RPS5: variants seen among roughly 807,000 people sequenced by gnomAD.
RPS5 encodes the protein small ribosomal subunit protein uS7.
RPS5 carries 2 observed loss-of-function variants against 20.9 expected under a neutral mutation model. That is an observed-to-expected ratio of 0.10 (90% confidence interval 0.04 to 0.30). The LOEUF is 0.30. Among genes scored for constraint, RPS5 ranks in the 10% least tolerant of loss-of-function variants. RPS5 has a pLI of 1.00. For missense variants in RPS5, 122 were observed against 287.2 expected (o/e 0.42, Z 4.16); for synonymous variants, 112 against 105.8 (o/e 1.06, Z -0.36).
chr19:58,390,916 C>T (rs1170053325), intron 2 of RPS5, among the ~76,000 whole-genome samples: 1 of 152,066 alleles, frequency 6.6e-6, no homozygotes, highest in African/African-American at 2.4e-5. Flanking sequence ...TGTTCTTTTC[C>T]CATCATTCCT....
At chr19:58,389,986 C>T (rs1233997573) in intron 2 of RPS5, among the ~76,000 whole-genome samples, 1 of 152,094 alleles carries the variant, frequency 6.6e-6, no homozygotes, top group Non-Finnish European at 1.5e-5. Flanking sequence ...CCTCTGCCTC[C>T]TGGGTTCAAG....
Position 58,390,833 on chromosome 19 carries a change from C to T in RPS5, c.109-2143C>T, listed in dbSNP as rs537948495. ...CATAGTGAAAGCCCTGCGTGAATGC[C>T]CTTCACGAGACTGTGAGTTTTTTTT... On this transcript the variant is annotated intron_variant, in intron 2 of 5. Transcript: ENST00000196551. Among the ~76,000 whole-genome samples the T allele has an allele frequency of 2.6e-5, 4 of 152,142 alleles. No homozygotes were observed. In the South Asian group the frequency reaches 8.3e-4, roughly 32 times the overall value.
intron 2 of RPS5, among the ~76,000 whole-genome samples, chr19:58,392,352 G>A (rs940325477): frequency 5.3e-5 from 8 of 151,288 alleles, no homozygotes; most frequent in Admixed American, 1.3e-4. Flanking sequence ...TAGGCCAGGC[G>A]CAGTGGCTCA....
At chr19:58,392,502 A>G (rs541053215) in intron 2 of RPS5, among the ~76,000 whole-genome samples, 3 of 151,570 alleles carry the variant, frequency 2.0e-5, no homozygotes, top group East Asian at 1.9e-4. Context: ...GCAGGCCCCT[A>G]TAATCCTAGC....
At chr19:58,388,100 G>A in intron 1 of RPS5, 37 bp from the exon 2 acceptor site, 1 of 1,465,630 alleles carries the variant, frequency 6.8e-7, no homozygotes. Flanking sequence ...TGCTAGCTGA[G>A]CTCTGACGTT....
intron 2 of RPS5, among the ~76,000 whole-genome samples, chr19:58,392,113 A>C (rs1459093600): frequency 6.6e-6 from 1 of 152,180 alleles, no homozygotes; most frequent in Non-Finnish European, 1.5e-5. Context: ...CTTGAGGTCA[A>C]GAGTTCGAGA....
chr19:58,388,348 T>C (rs1427994926), intron 2 of RPS5, 103 bp downstream of exon 2: 1 of 784,702 alleles, frequency 1.3e-6, no homozygotes, highest in Admixed American at 2.1e-5. Flanking sequence ...AGAATAGAGA[T>C]CATAACAGGT....
At chr19:58,394,642 G>A (rs2052385234) in intron 5 of RPS5, 40 bp from the exon 6 acceptor site, 3 of 1,613,752 alleles carry the variant, frequency 1.9e-6, no homozygotes, top group South Asian at 2.2e-5. Context: ...GGGCATTTGT[G>A]GGGGTCCTTC....
At chr19:58,390,722 G>A (rs1373530672) in intron 2 of RPS5, among the ~76,000 whole-genome samples, 8 of 152,186 alleles carry the variant, frequency 5.3e-5, no homozygotes, top group Non-Finnish European at 2.9e-5. Flanking sequence ...ATCAATGGGA[G>A]TTCACTGTAT....
chr19:58,393,518 T>G (rs1599935058), intron 4 of RPS5, 31 bp downstream of exon 4: 1 of 1,589,416 alleles, frequency 6.3e-7, no homozygotes, highest in Non-Finnish European at 8.6e-7. Flanking sequence ...CGTGGCAGGG[T>G]GGACACAGCC....
intron 2 of RPS5, among the ~76,000 whole-genome samples, chr19:58,389,650 T>A (rs8109416): frequency 0.1 from 15,462 of 152,164 alleles, 2,674 homozygotes; most frequent in African/African-American, 0.35. Context: ...TTATTTATTT[T>A]TTTGAAACGG....
intron 4 of RPS5, chr19:58,394,262 G>A (rs771687397): frequency 1.9e-6 from 1 of 539,870 alleles, no homozygotes; most frequent in African/African-American, 1.9e-5. Context: ...GTTTGCTGTT[G>A]AGGCAGGTCT....
At chr19:58,393,750 T>C (rs75671794) in intron 4 of RPS5, 1 of 416,676 alleles carries the variant, frequency 2.4e-6, no homozygotes, top group Non-Finnish European at 4.2e-6. Flanking sequence ...TTTTTTTTTT[T>C]CTTGGACATT....
chr19:58,388,054 A>G (rs1654797840), intron 1 of RPS5, 83 bp from the exon 2 acceptor site: 1 of 882,642 alleles, frequency 1.1e-6, no homozygotes, highest in Non-Finnish European at 1.8e-6. Context: ...GATGGCGGCT[A>G]GCCTCAGAGT....
At chr19:58,392,745 TC>T (rs1275466875) in intron 2 of RPS5, among the ~76,000 whole-genome samples, 2 of 152,064 alleles carry the variant, frequency 1.3e-5, no homozygotes, top group East Asian at 1.9e-4. Context: ...TTCCCACTCT[TC>T]CATTACGAAG....
chr19:58,389,298 A>T (rs186583722), intron 2 of RPS5, among the ~76,000 whole-genome samples: 1 of 152,116 alleles, frequency 6.6e-6, no homozygotes, highest in Non-Finnish European at 1.5e-5. Context: ...TTGAGATAAG[A>T]TCACTCTCTG....
At position 58,394,484 on chromosome 19, in the gene RPS5, G is replaced by C; in HGVS notation, c.448-13G>C. On this transcript the variant is annotated splice_polypyrimidine_tract_variant and intron_variant, in intron 4 of 5. Coordinates refer to ENST00000196551, the MANE Select transcript of RPS5 (RefSeq NM_001009.4). Reference sequence around the variant, plus strand: ...AGTCTGTCCTTCTAGCCTGACCCCTGCTGTCTTCCTAGGCCATCTGGCTGC... The same window carrying C: ...AGTCTGTCCTTCTAGCCTGACCCCTCCTGTCTTCCTAGGCCATCTGGCTGC... 6.2e-7 allele frequency: 1 copy of C among 1,612,908 alleles called. No individual in the cohort carries two copies. The highest frequency in any genetic ancestry group is 8.5e-7 in the Non-Finnish European group (1 of 1,179,240).
In RPS5 at chr19:58,388,474, A is replaced by C; in HGVS notation, c.108+229A>C. 3.5e-6 allele frequency: 2 copies of C among 566,362 alleles called. 1 individual carries two copies. The highest frequency in any genetic ancestry group is 6.3e-6 in the Non-Finnish European group (2 of 319,626). 35.1% of individuals were successfully genotyped at this position (566,362 alleles called of 1,614,324 possible). On this transcript the variant is annotated intron_variant, in intron 2 of 5. Coordinates refer to ENST00000196551, the MANE Select transcript of RPS5 (RefSeq NM_001009.4). ...TTCACCAGAAGGAGCATCACATCTC[A>C]CATATGGTATTTTTGTTACTGTTTT... is the stretch of plus-strand genomic sequence containing the variant.
intron 2 of RPS5, chr19:58,388,636 G>GTTTTTTTTTTTTTTTTTTTTTTTTTTTTT (rs3048304): frequency 5.3e-6 from 1 of 188,910 alleles, no homozygotes; most frequent in Non-Finnish European, 9.4e-6. Flanking sequence ...GCTGGCCGTA[G>GTTTTTTTTTTTTTTTTTTTTTTTTTTTTT]TTTTTTTTTT....
Sources: gnomAD v4.1 joint callset for allele counts (sites outside exome capture counted in the v4.1 genomes callset) on GRCh38, gnomAD v4.1.1 for gene constraint, MANE v1.5 for transcripts, NCBI Gene and HGNC (gene_info 2026-07-23, HGNC 2026-07-21) for gene names.